WWOX: variants seen among roughly 807,000 people sequenced by gnomAD.
The protein encoded by WWOX is WW domain-containing oxidoreductase.
Under a neutral mutation model 46.2 loss-of-function variants are expected in WWOX, and 69 were observed. That is an observed-to-expected ratio of 1.49 (90% CI 1.23 to 1.82). The LOEUF (loss-of-function observed/expected upper bound fraction) is 1.82, where lower values mean the gene tolerates loss of function less well. WWOX is among the 40% of genes most tolerant of loss of function. WWOX has a pLI of 0.00. For missense variants in WWOX, 919 were observed against 542.6 expected (o/e 1.69, Z -6.89); for synonymous variants, 359 against 202.6 (o/e 1.77, Z -6.56).
At chr16:78,621,592 C>CTTTTTTTTTT (rs34182797) in intron 8 of WWOX, among the ~76,000 whole-genome samples, 444 of 31,542 alleles carry the variant, frequency 0.014, 144 homozygotes, top group Middle Eastern at 0.036. Context: ...TTGTTCTAAT[C>CTTTTTTTTTT]TTTTTTTTTT....
chr16:78,231,084 A>G (rs979308253), intron 5 of WWOX, among the ~76,000 whole-genome samples: 1 of 152,208 alleles, frequency 6.6e-6, no homozygotes, highest in African/African-American at 2.4e-5. Context: ...AACATTTATG[A>G]TTCTGGCAGC....
At chr16:79,064,933 G>C (rs1051199159) in intron 8 of WWOX, among the ~76,000 whole-genome samples, 29 of 152,274 alleles carry the variant, frequency 1.9e-4, no homozygotes, top group East Asian at 1.2e-3. Flanking sequence ...TGCAAATGGC[G>C]CCAGGAATCT....
At chr16:78,203,444 T>C (rs544845272) in intron 5 of WWOX, among the ~76,000 whole-genome samples, 2 of 152,208 alleles carry the variant, frequency 1.3e-5, no homozygotes, top group African/African-American at 4.8e-5. Context: ...ATATTTTGAG[T>C]GTATTTGGAT....
At chr16:78,943,275 T>C (rs556845737) in intron 8 of WWOX, among the ~76,000 whole-genome samples, 8 of 150,348 alleles carry the variant, frequency 5.3e-5, no homozygotes, top group African/African-American at 2.0e-4. Context: ...ATTGTGCCCA[T>C]TTCCTGGATA....
At chr16:79,202,548 C>G (rs445862) in intron 8 of WWOX, 72,052 of 152,096 alleles carry the variant, frequency 0.47, 20,427 homozygotes, top group Non-Finnish European at 0.65. Flanking sequence ...GTGTGTCTTT[C>G]CTGGGAGAAG....
intron 8 of WWOX, among the ~76,000 whole-genome samples, chr16:78,553,608 A>G (rs2044223269): frequency 6.6e-6 from 1 of 152,184 alleles, no homozygotes; most frequent in Non-Finnish European, 1.5e-5. Flanking sequence ...GTTTTAGGCA[A>G]TAATAAGTGA....
At chr16:78,451,168 C>A (rs1028848533) in intron 8 of WWOX, among the ~76,000 whole-genome samples, 2 of 152,086 alleles carry the variant, frequency 1.3e-5, no homozygotes, top group African/African-American at 2.4e-5. Context: ...TCATCCAAAG[C>A]CATTTTTTTT....
At chr16:79,008,140 A>T (rs927412911) in intron 8 of WWOX, among the ~76,000 whole-genome samples, 2 of 152,114 alleles carry the variant, frequency 1.3e-5, no homozygotes, top group Admixed American at 1.3e-4. Flanking sequence ...TGTAGGACTG[A>T]GGTGCTTGTT....
chr16:78,562,197 T>C (rs2044456298), intron 8 of WWOX, among the ~76,000 whole-genome samples: 1 of 152,118 alleles, frequency 6.6e-6, no homozygotes. Context: ...CGTGGTGGAG[T>C]GCCTTTTGGG....
At chr16:78,305,408 C>T (rs2080115760) in intron 5 of WWOX, among the ~76,000 whole-genome samples, 3 of 152,056 alleles carry the variant, frequency 2.0e-5, no homozygotes, top group Admixed American at 1.3e-4. Context: ...AGTCCCTTGG[C>T]CATTTAGAAG....
intron 8 of WWOX, among the ~76,000 whole-genome samples, chr16:78,864,729 C>T (rs2043964752): frequency 7.1e-6 from 1 of 140,404 alleles, no homozygotes; most frequent in Non-Finnish European, 1.5e-5. Context: ...AAAAACAGAG[C>T]TGTGTGGCTA....
At chr16:78,818,747 T>G (rs918124020) in intron 8 of WWOX, among the ~76,000 whole-genome samples, 3 of 152,212 alleles carry the variant, frequency 2.0e-5, no homozygotes, top group Non-Finnish European at 2.9e-5. Flanking sequence ...AGCTTGCCAG[T>G]CAAGTCATTA....
At chr16:78,560,304 C>G (rs1272312121) in intron 8 of WWOX, among the ~76,000 whole-genome samples, 1 of 152,152 alleles carries the variant, frequency 6.6e-6, no homozygotes, top group Non-Finnish European at 1.5e-5. Context: ...ACACTAGCTG[C>G]TGGTCTGTAT....
intron 8 of WWOX, among the ~76,000 whole-genome samples, chr16:78,477,047 A>T (rs1011069422): frequency 6.6e-5 from 10 of 152,192 alleles, no homozygotes; most frequent in Admixed American, 1.3e-4. Flanking sequence ...CATTTAACAC[A>T]ATCTTGAATT....
At chr16:78,856,192 G>T (rs935132072) in intron 8 of WWOX, among the ~76,000 whole-genome samples, 1 of 152,176 alleles carries the variant, frequency 6.6e-6, no homozygotes, top group East Asian at 1.9e-4. Flanking sequence ...TAAAGGGCCA[G>T]AACAGAATGA....
At chr16:78,117,165 T>G (rs2032840481) in intron 4 of WWOX, among the ~76,000 whole-genome samples, 1 of 152,196 alleles carries the variant, frequency 6.6e-6, no homozygotes, top group South Asian at 2.1e-4. Flanking sequence ...CACTTCCCCC[T>G]AAGACTCTTC....
chr16:78,278,687 T>C (rs2079623868), intron 5 of WWOX: 2 of 1,583,030 alleles, frequency 1.3e-6, no homozygotes, highest in Non-Finnish European at 1.7e-6. Context: ...AGATCTTGAA[T>C]AGTCTCATCA....
chr16:78,960,054 G>T (rs999319407), intron 8 of WWOX, among the ~76,000 whole-genome samples: 2 of 152,184 alleles, frequency 1.3e-5, no homozygotes, highest in Admixed American at 6.5e-5. Context: ...ATTGGTGCAT[G>T]GTGGGACAGA....
At position 78,144,445 on chromosome 16, in the gene WWOX, A is replaced by ACGTG. The variant is rs1244011701; in HGVS notation, c.410-19738_410-19737insCGTG. On this transcript the variant is annotated intron_variant, in intron 4 of 8. Coordinates refer to ENST00000566780, the MANE Select transcript of WWOX (RefSeq NM_016373.4). ...TTGCCATTACTATATATATATATAT[A>ACGTG]TACACATATATATATATACACACAT... Among the ~76,000 whole-genome samples the ACGTG allele has an allele frequency of 7.0e-3, 119 of 17,008 alleles. 3 individuals are homozygous for ACGTG. The highest frequency in any genetic ancestry group is 0.012 in the African/African-American group (54 of 4,592). 11.2% of individuals were successfully genotyped at this position (17,008 alleles called of 152,430 possible). A position where few individuals can be genotyped will look rare whatever the true frequency, so the allele number is the denominator to read the frequency against.
Sources: gnomAD v4.1 joint callset for allele counts (sites outside exome capture counted in the v4.1 genomes callset) on GRCh38, gnomAD v4.1.1 for gene constraint, MANE v1.5 for transcripts, NCBI Gene and HGNC (gene_info 2026-07-23, HGNC 2026-07-21) for gene names.